SDK1: variants seen among roughly 807,000 people sequenced by gnomAD.
SDK1 encodes the protein sidekick cell adhesion molecule 1, also known as protein sidekick-1.
In SDK1, 157 loss-of-function variants were observed where a neutral mutation model predicts 245.5. The ratio of observed to expected loss-of-function variants is 0.64; its 90% CI spans 0.56 to 0.73. SDK1 has a LOEUF of 0.73. SDK1 is among the 30% of genes least tolerant of loss of function. The pLI is 0.00. For missense variants in SDK1, 3,583 were observed against 3,002.3 expected (o/e 1.19, Z -4.52); for synonymous variants, 1,647 against 1,278.5 (o/e 1.29, Z -6.15).
intron 36 of SDK1, 28 bp downstream of exon 36, chr7:4,206,022 C>T: frequency 1.1e-5 from 16 of 1,438,876 alleles, no homozygotes; most frequent in Non-Finnish European, 1.4e-5. Context: ...GGTTGCCTCC[C>T]CTGGCTCGCT....
At chr7:3,335,440 C>A (rs1322111286) in intron 1 of SDK1, among the ~76,000 whole-genome samples, 1 of 148,954 alleles carries the variant, frequency 6.7e-6, no homozygotes, top group Non-Finnish European at 1.5e-5. Flanking sequence ...TTTTTCTGTT[C>A]CCCAGTAGAC....
intron 1 of SDK1, among the ~76,000 whole-genome samples, chr7:3,373,218 A>G (rs534665993): frequency 1.3e-5 from 2 of 152,228 alleles, no homozygotes; most frequent in Non-Finnish European, 2.9e-5. Flanking sequence ...GAGCACTTAC[A>G]TTAGCCTAGA....
At chr7:3,399,062 T>C (rs73052661) in intron 1 of SDK1, among the ~76,000 whole-genome samples, 17,051 of 152,120 alleles carry the variant, frequency 0.11, 1,110 homozygotes, top group Middle Eastern at 0.18. Context: ...AGTTATTCTT[T>C]CTCTCTTCTT....
At chr7:3,491,415 C>T (rs1035418353) in intron 1 of SDK1, among the ~76,000 whole-genome samples, 4 of 152,172 alleles carry the variant, frequency 2.6e-5, no homozygotes, top group African/African-American at 9.7e-5. Flanking sequence ...AAATATGAGA[C>T]CCACTGGTTT....
At chr7:4,023,267 A>G (rs374466012) in intron 17 of SDK1, among the ~76,000 whole-genome samples, 9 of 152,058 alleles carry the variant, frequency 5.9e-5, no homozygotes, top group African/African-American at 1.2e-4. Flanking sequence ...TTGTCGGCCA[A>G]TCCCATTTAA....
At chr7:3,823,085 A>T (rs894533690) in intron 5 of SDK1, among the ~76,000 whole-genome samples, 1 of 152,154 alleles carries the variant, frequency 6.6e-6, no homozygotes, top group Non-Finnish European at 1.5e-5. Flanking sequence ...ATGGAGAATG[A>T]TGCACGTGGA....
At chr7:3,952,316 T>C (rs555874419) in intron 7 of SDK1, among the ~76,000 whole-genome samples, 251 of 152,344 alleles carry the variant, frequency 1.6e-3, no homozygotes, top group East Asian at 3.5e-3. Context: ...TGGTGGCTTA[T>C]GCCTGTAATC....
intron 1 of SDK1, among the ~76,000 whole-genome samples, chr7:3,418,878 T>G (rs977828719): frequency 9.2e-5 from 14 of 152,192 alleles, no homozygotes; most frequent in Admixed American, 5.2e-4. Context: ...CTGCACGTAC[T>G]CAGTCTTACA....
chr7:3,576,559 T>C (rs1213386927), intron 1 of SDK1, among the ~76,000 whole-genome samples: 3 of 152,060 alleles, frequency 2.0e-5, no homozygotes, highest in Non-Finnish European at 4.4e-5. Flanking sequence ...ATAATTGGAT[T>C]TTTTGGTTGT....
chr7:3,825,782 A>G (rs1021313517), intron 5 of SDK1, among the ~76,000 whole-genome samples: 1 of 152,206 alleles, frequency 6.6e-6, no homozygotes, highest in Non-Finnish European at 1.5e-5. Flanking sequence ...GCCCAGGTAC[A>G]ACTCTCTCCT....
intron 1 of SDK1, among the ~76,000 whole-genome samples, chr7:3,390,525 G>A (rs1195981375): frequency 6.6e-6 from 1 of 152,170 alleles, no homozygotes; most frequent in South Asian, 2.1e-4. Flanking sequence ...AGTTTATTTG[G>A]AAATTGGGCT....
At chr7:3,543,106 G>A (rs778011884) in intron 1 of SDK1, among the ~76,000 whole-genome samples, 12 of 152,306 alleles carry the variant, frequency 7.9e-5, no homozygotes, top group African/African-American at 2.2e-4. Flanking sequence ...TGCCAAAAAC[G>A]TGTTGACCTA....
chr7:4,175,770 A>G lies in SDK1; in HGVS notation c.4937-5A>G. On this transcript the variant is annotated splice_polypyrimidine_tract_variant and splice_region_variant and intron_variant, in intron 33 of 44. Coordinates refer to ENST00000404826, the MANE Select transcript of SDK1 (RefSeq NM_152744.4). Reference sequence around the variant, plus strand: ...ACCACCTTTCTGCTTTGCTTACCCCAATAGCCCAAAGCAGCTTCAAGACGG... The same window carrying G: ...ACCACCTTTCTGCTTTGCTTACCCCGATAGCCCAAAGCAGCTTCAAGACGG... The G allele has an allele frequency of 6.2e-7, 1 of 1,613,662 alleles. No homozygotes were observed.
At chr7:3,720,380 G>C (rs1407410434) in intron 4 of SDK1, among the ~76,000 whole-genome samples, 2 of 152,124 alleles carry the variant, frequency 1.3e-5, no homozygotes, top group Non-Finnish European at 2.9e-5. Context: ...ACTACTCTTA[G>C]AACTCAACAT....
chr7:3,424,672 G>A (rs909937208), intron 1 of SDK1, among the ~76,000 whole-genome samples: 6 of 152,154 alleles, frequency 3.9e-5, no homozygotes, highest in Admixed American at 2.0e-4. Context: ...AGAGGTAGGA[G>A]GATCGCTTGA....
Position 3,957,864 on chromosome 7 carries a change from T to A in SDK1, c.1151-1067T>A, listed in dbSNP as rs117381201. Reference sequence around the variant, plus strand: ...AGGAATCTGCTTCCTTCTAATGAATTTGCAGCCATCTCCTCAGCCGGAGTG... The same window carrying A: ...AGGAATCTGCTTCCTTCTAATGAATATGCAGCCATCTCCTCAGCCGGAGTG... On this transcript the variant is annotated intron_variant, in intron 7 of 44. Coordinates refer to ENST00000404826, the MANE Select transcript of SDK1 (RefSeq NM_152744.4). Among the ~76,000 whole-genome samples, 46 of 152,330 alleles carry A rather than the reference T, an allele frequency of 3.0e-4. 1 individual carries two copies. The East Asian group carries it at 6.6e-3, about 22-fold the overall frequency.
At chr7:3,626,133 T>C (rs1690702257) in intron 2 of SDK1, among the ~76,000 whole-genome samples, 1 of 150,544 alleles carries the variant, frequency 6.6e-6, no homozygotes. Flanking sequence ...AGACACAGGG[T>C]CTTGCTATGT....
chr7:3,463,051 C>T (rs2128595540), intron 1 of SDK1, among the ~76,000 whole-genome samples: 2 of 152,266 alleles, frequency 1.3e-5, no homozygotes, highest in Middle Eastern at 6.8e-3. Context: ...TTCCCTCCTG[C>T]TATGGGGCTT....
chr7:3,832,096 G>A (rs1437332900), intron 5 of SDK1, among the ~76,000 whole-genome samples: 3 of 151,938 alleles, frequency 2.0e-5, no homozygotes, highest in South Asian at 4.2e-4. Flanking sequence ...TTTAATCATC[G>A]TTTTTAATAA....
Sources: gnomAD v4.1 joint callset for allele counts (sites outside exome capture counted in the v4.1 genomes callset) on GRCh38, gnomAD v4.1.1 for gene constraint, MANE v1.5 for transcripts, NCBI Gene and HGNC (gene_info 2026-07-23, HGNC 2026-07-21) for gene names.